THRB: variants seen among roughly 807,000 people sequenced by gnomAD.
The protein encoded by THRB is thyroid hormone receptor beta.
THRB carries 12 observed loss-of-function variants against 47.8 expected under a neutral mutation model. The ratio of observed to expected loss-of-function variants is 0.25; its 90% CI spans 0.16 to 0.41. The LOEUF (loss-of-function observed/expected upper bound fraction) is 0.41, where lower values mean the gene tolerates loss of function less well. THRB is among the 10% of genes least tolerant of loss of function. The pLI is 1.00. For missense variants in THRB, 348 were observed against 589.2 expected, an observed-to-expected ratio of 0.59 and a Z score of 4.24; for synonymous variants, 218 against 212.2, an observed-to-expected ratio of 1.03 and a Z score of -0.24.
intron 1 of THRB, among the ~76,000 whole-genome samples, chr3:24,482,173 A>G (rs62230461): frequency 0.034 from 5,195 of 152,302 alleles, 107 homozygotes; most frequent in South Asian, 0.054. Context: ...GTACAAGTTT[A>G]CTCAACAAAA....
chr3:24,288,453 C>G (rs1475909023), intron 3 of THRB, among the ~76,000 whole-genome samples: 1 of 152,166 alleles, frequency 6.6e-6, no homozygotes, highest in African/African-American at 2.4e-5. Context: ...ATTCTGTCTA[C>G]TTTCTGTGAG....
intron 3 of THRB, among the ~76,000 whole-genome samples, chr3:24,262,294 C>A (rs1399065454): frequency 1.3e-5 from 2 of 152,184 alleles, no homozygotes; most frequent in African/African-American, 4.8e-5. Context: ...ATAACCTGGT[C>A]TTTCTGCTTT....
At chr3:24,440,197 C>G (rs1158951435) in intron 1 of THRB, among the ~76,000 whole-genome samples, 2 of 152,084 alleles carry the variant, frequency 1.3e-5, no homozygotes, top group Non-Finnish European at 2.9e-5. Flanking sequence ...AAAACTTAAC[C>G]TTGTTCCATC....
At chr3:24,169,323 C>T (rs570857636) in intron 5 of THRB, among the ~76,000 whole-genome samples, 2 of 152,206 alleles carry the variant, frequency 1.3e-5, no homozygotes, top group South Asian at 4.2e-4. Context: ...ATTCCATTTG[C>T]CTCTACTTTG....
At chr3:24,289,620 T>C (rs1242688159) in intron 3 of THRB, among the ~76,000 whole-genome samples, 1 of 152,212 alleles carries the variant, frequency 6.6e-6, no homozygotes, top group Non-Finnish European at 1.5e-5. Flanking sequence ...AAAATACCAC[T>C]TGGCTTTTTA....
chr3:24,387,488 AAAC>A (rs1399307104), intron 1 of THRB, among the ~76,000 whole-genome samples: 3 of 152,124 alleles, frequency 2.0e-5, no homozygotes, highest in Non-Finnish European at 4.4e-5. Context: ...TAGCCTCCCA[AAAC>A]AACACTTCTG....
In THRB at chr3:24,295,744, A is replaced by T. The variant is rs368546236; in HGVS notation, c.-43+1482T>A. Among the ~76,000 whole-genome samples, 15 of 152,290 alleles carry T rather than the reference A, an allele frequency of 9.8e-5. No individual in the cohort carries two copies. The South Asian group carries it at 2.3e-3, about 23-fold the overall frequency. ...TTGGGGTTCCTGAGGCTTGGGTCTC[A>T]GGTCTAGGCCAACTATGTATGAATC... On this transcript the variant is annotated intron_variant, in intron 3 of 10. Transcript: ENST00000646209.
intron 8 of THRB, among the ~76,000 whole-genome samples, chr3:24,138,276 G>A (rs2034960575): frequency 6.6e-6 from 1 of 152,070 alleles, no homozygotes; most frequent in African/African-American, 2.4e-5. Flanking sequence ...ATGTCTTCTT[G>A]TACCTTTGCC....
At chr3:24,380,071 G>C (rs181306950) in intron 1 of THRB, among the ~76,000 whole-genome samples, 1 of 149,500 alleles carries the variant, frequency 6.7e-6, no homozygotes, top group Admixed American at 6.7e-5. Flanking sequence ...ATTTTACTAT[G>C]AGCAGCATTA....
chr3:24,394,123 G>C (rs2066779383), intron 1 of THRB, among the ~76,000 whole-genome samples: 1 of 152,082 alleles, frequency 6.6e-6, no homozygotes, highest in Non-Finnish European at 1.5e-5. Flanking sequence ...TTGTGTGGTG[G>C]GGCCAGGATT....
chr3:24,218,342 CTTTTTT>C (rs869304743), intron 4 of THRB, among the ~76,000 whole-genome samples: 3 of 117,238 alleles, frequency 2.6e-5, no homozygotes, highest in Admixed American at 9.1e-5. Context: ...CTCTCTCTCT[CTTTTTT>C]TTTTTTTTTT....
At chr3:24,255,184 A>G (rs1283266851) in intron 3 of THRB, among the ~76,000 whole-genome samples, 3 of 152,186 alleles carry the variant, frequency 2.0e-5, no homozygotes, top group Non-Finnish European at 4.4e-5. Context: ...TTGTTAAAGC[A>G]CAGATCTTAG....
chr3:24,170,287 T>C (rs532940445), intron 5 of THRB, among the ~76,000 whole-genome samples: 1 of 152,304 alleles, frequency 6.6e-6, no homozygotes, highest in East Asian at 1.9e-4. Flanking sequence ...AAAATATATG[T>C]TTAATCCAAC....
intron 1 of THRB, among the ~76,000 whole-genome samples, chr3:24,373,068 A>G (rs1055432137): frequency 3.9e-5 from 6 of 152,130 alleles, no homozygotes; most frequent in Non-Finnish European, 8.8e-5. Flanking sequence ...AATGTGAATT[A>G]AAACCCTTTG....
chr3:24,160,507 C>T (rs2038644685), intron 5 of THRB, among the ~76,000 whole-genome samples: 2 of 152,118 alleles, frequency 1.3e-5, no homozygotes, highest in Non-Finnish European at 1.5e-5. Context: ...TGCTCAAAAG[C>T]ACATTCTGGG....
chr3:24,173,638 A>C (rs2040742975), intron 5 of THRB, among the ~76,000 whole-genome samples: 1 of 152,178 alleles, frequency 6.6e-6, no homozygotes, highest in Non-Finnish European at 1.5e-5. Context: ...CCTCCATGTC[A>C]TACAGCCTTT....
rs190689783 is a variant in THRB, at chr3:24,235,828, G to A, written c.-42-6827C>T. Reference sequence around the variant, plus strand: ...ATGCTAGATTTCCTAGGAAGTTGCCGTGTAAGAGGGGGGCATAGCTTAGGG... The same window carrying A: ...ATGCTAGATTTCCTAGGAAGTTGCCATGTAAGAGGGGGGCATAGCTTAGGG... On this transcript the variant is annotated intron_variant, in intron 3 of 10. Transcript: ENST00000646209. Among the ~76,000 whole-genome samples the A allele has an allele frequency of 2.0e-3, 312 of 152,206 alleles. 2 individuals carry two copies. Among genetic ancestry groups the A allele is most frequent in the Middle Eastern group, 6.8e-3 (2 of 294 alleles).
In THRB at chr3:24,153,380, T is replaced by C. The variant is rs2037321897; in HGVS notation, c.284-890A>G. Among the ~76,000 whole-genome samples, 4 of 152,226 alleles carry C rather than the reference T, an allele frequency of 2.6e-5. No individual in the cohort carries two copies. The South Asian group carries it at 8.3e-4, about 32-fold the overall frequency. On this transcript the variant is annotated intron_variant, in intron 5 of 10. Transcript: ENST00000646209. ...CTGGTCTTTTTCTAAAAATGGAGAG[T>C]TGACTTTAAGTAGAATGAATTTTGC...
At chr3:24,126,125 G>A (rs2032746930) in intron 10 of THRB, among the ~76,000 whole-genome samples, 1 of 152,286 alleles carries the variant, frequency 6.6e-6, no homozygotes, top group East Asian at 1.9e-4. Context: ...AGGCGTGGTG[G>A]CTCATGCCTA....
Sources: gnomAD v4.1 joint callset for allele counts (sites outside exome capture counted in the v4.1 genomes callset) on GRCh38, gnomAD v4.1.1 for gene constraint, MANE v1.5 for transcripts, NCBI Gene and HGNC (gene_info 2026-07-23, HGNC 2026-07-21) for gene names.